The following EXOC6 variants were observed in gnomAD, a reference collection of about 807,000 sequenced individuals.
EXOC6 encodes SEC15-like 1.
EXOC6 carries 60 observed loss-of-function variants against 112.5 expected under a neutral mutation model. The observed-to-expected ratio is 0.53, with a 90% CI of 0.43 to 0.66. The LOEUF is 0.66. Among genes scored for constraint, EXOC6 ranks in the 30% least tolerant of loss-of-function variants. EXOC6 has a pLI of 0.00. For missense variants in EXOC6, 855 were observed against 957.1 expected, an observed-to-expected ratio of 0.89 and a Z score of 1.41; for synonymous variants, 295 against 308.0, an observed-to-expected ratio of 0.96 and a Z score of 0.44.
intron 11 of EXOC6, among the ~76,000 whole-genome samples, chr10:92,934,746 C>A (rs1210443157): frequency 1.3e-5 from 2 of 152,066 alleles, no homozygotes; most frequent in Admixed American, 6.6e-5. Context: ...ATTATCATTT[C>A]AATTCTTTGT....
intron 1 of EXOC6, among the ~76,000 whole-genome samples, chr10:92,854,253 T>C (rs1847491483): frequency 6.6e-6 from 1 of 151,782 alleles, no homozygotes; most frequent in Non-Finnish European, 1.5e-5. Context: ...TCCTGGCCAA[T>C]GTGGTGAAAC....
intron 1 of EXOC6, among the ~76,000 whole-genome samples, chr10:92,876,447 A>G (rs1848690681): frequency 6.6e-6 from 1 of 152,202 alleles, no homozygotes; most frequent in Non-Finnish European, 1.5e-5. Flanking sequence ...GCACTCAGTA[A>G]TTGGTAGAGG....
chr10:92,947,732 A>G (rs956973099), intron 13 of EXOC6, among the ~76,000 whole-genome samples: 6 of 151,956 alleles, frequency 3.9e-5, no homozygotes, highest in Admixed American at 1.3e-4. Flanking sequence ...ACACGGTGAA[A>G]CCCCTTCTTT....
intron 1 of EXOC6, among the ~76,000 whole-genome samples, chr10:92,861,230 T>G (rs1295181995): frequency 1.3e-5 from 2 of 152,172 alleles, no homozygotes; most frequent in Non-Finnish European, 2.9e-5. Context: ...CACCCCCTGA[T>G]TATAATCCTT....
chr10:92,975,903 C>A (rs1362337466), intron 18 of EXOC6, among the ~76,000 whole-genome samples: 2 of 141,274 alleles, frequency 1.4e-5, no homozygotes, highest in Non-Finnish European at 3.1e-5. Context: ...CCAGCCGCCC[C>A]GTCCGGGAGG....
intron 19 of EXOC6, among the ~76,000 whole-genome samples, chr10:93,007,763 T>C (rs1038778692): frequency 3.3e-5 from 5 of 152,254 alleles, no homozygotes; most frequent in Non-Finnish European, 5.9e-5. Context: ...TTCATCTAAA[T>C]TGATTCAAAC....
chr10:93,018,395 A>G (rs1162014504), intron 20 of EXOC6, among the ~76,000 whole-genome samples: 1 of 152,226 alleles, frequency 6.6e-6, no homozygotes, highest in Non-Finnish European at 1.5e-5. Context: ...TCAAAAAAAC[A>G]TTAGAATATA....
intron 20 of EXOC6, among the ~76,000 whole-genome samples, chr10:93,016,780 C>T (rs764496034): frequency 2.0e-5 from 3 of 151,474 alleles, no homozygotes; most frequent in Non-Finnish European, 4.4e-5. Context: ...TAACAAAATT[C>T]CCTTGTCAAT....
intron 19 of EXOC6, among the ~76,000 whole-genome samples, chr10:93,000,583 A>G (rs185717862): frequency 3.2e-4 from 48 of 152,320 alleles, no homozygotes; most frequent in African/African-American, 1.1e-3. Context: ...CACTGTAGAT[A>G]TGAAAAGGGA....
chr10:92,936,713 G>A (rs1852364389), intron 12 of EXOC6, among the ~76,000 whole-genome samples: 1 of 152,196 alleles, frequency 6.6e-6, no homozygotes, highest in Non-Finnish European at 1.5e-5. Flanking sequence ...TACACCTGCT[G>A]CGTTATTGGG....
rs1198813076 is a variant in EXOC6, at chr10:92,896,119, A to ATG, written c.412+1117_412+1118dup. Among the ~76,000 whole-genome samples, 17 of 21,708 alleles carry ATG rather than the reference A, an allele frequency of 7.8e-4. 3 individuals carry two copies. Among genetic ancestry groups the ATG allele is most frequent in the Non-Finnish European group, 9.4e-4 (14 of 14,818 alleles). The allele number at this position is 21,708 out of a possible 152,430, so 14.2% of individuals were successfully genotyped here. ...TGTGTGTATATATATGTGTATATAT[A>ATG]TGTGTGTGTGTGTGTGTGTATGTAT... is the stretch of plus-strand genomic sequence containing the variant. On this transcript the variant is annotated intron_variant, in intron 4 of 21. Coordinates refer to ENST00000260762, the MANE Select transcript of EXOC6 (RefSeq NM_019053.6).
intron 20 of EXOC6, among the ~76,000 whole-genome samples, chr10:93,041,350 G>A (rs939542536): frequency 1.3e-4 from 20 of 152,058 alleles, no homozygotes; most frequent in Non-Finnish European, 2.9e-4. Context: ...CTACAGAACC[G>A]AAGTGGTGAA....
rs377422673 is a variant in EXOC6 at position 93,057,054 on chromosome 10, C to T, written c.2282+18C>T. ...TTGGAGAAGTGAGTATATTCTGAAA[C>T]TTTTTTGTATAACATTTTAGCACCT... On this transcript the variant is annotated intron_variant, in intron 21 of 21. Coordinates refer to ENST00000260762, the MANE Select transcript of EXOC6 (RefSeq NM_019053.6). 1 of 949,190 alleles carries T rather than the reference C, an allele frequency of 1.1e-6. No homozygotes were observed. The highest frequency in any genetic ancestry group is 1.9e-5 in the South Asian group (1 of 54,046). 58.8% of individuals were successfully genotyped at this position (949,190 alleles called of 1,614,324 possible).
At chr10:92,889,750 T>C (rs1466685545) in intron 1 of EXOC6, among the ~76,000 whole-genome samples, 1 of 152,140 alleles carries the variant, frequency 6.6e-6, no homozygotes, top group African/African-American at 2.4e-5. Context: ...CTTTTTTTTT[T>C]TCTTTCTTTC....
chr10:92,880,247 TAAC>T (rs934112424), intron 1 of EXOC6, among the ~76,000 whole-genome samples: 2 of 152,188 alleles, frequency 1.3e-5, no homozygotes, highest in African/African-American at 4.8e-5. Context: ...TAATACCTAA[TAAC>T]AATGTAAATG....
At chr10:92,876,331 A>G (rs753581358) in intron 1 of EXOC6, among the ~76,000 whole-genome samples, 26 of 152,308 alleles carry the variant, frequency 1.7e-4, no homozygotes, top group Non-Finnish European at 2.5e-4. Flanking sequence ...AAACACTTAA[A>G]TGCATTATTT....
At chr10:92,915,718 C>T (rs1227080171) in intron 6 of EXOC6, 40 bp from the exon 7 acceptor site, 6 of 1,414,656 alleles carry the variant, frequency 4.2e-6, no homozygotes, top group Non-Finnish European at 5.6e-6. Context: ...TGACCATAAT[C>T]AGTTTTGAAA....
At chr10:92,838,111 G>A (rs1846721485) in intron 1 of EXOC6, among the ~76,000 whole-genome samples, 1 of 152,178 alleles carries the variant, frequency 6.6e-6, no homozygotes, top group Non-Finnish European at 1.5e-5. Flanking sequence ...TCAAGAGATG[G>A]TTTCTACCAG....
At chr10:92,994,706 C>A (rs986297960) in intron 18 of EXOC6, among the ~76,000 whole-genome samples, 1 of 151,498 alleles carries the variant, frequency 6.6e-6, no homozygotes, top group Non-Finnish European at 1.5e-5. Context: ...TTTAAAAGAT[C>A]GTTGTAAAAG....
Sources: allele counts gnomAD v4.1 joint callset (sites outside exome capture counted in the v4.1 genomes callset), GRCh38; gene constraint gnomAD v4.1.1; transcripts MANE v1.5; gene names NCBI Gene and HGNC (gene_info 2026-07-23, HGNC 2026-07-21).